Variants in DCHS2 observed in about 807,000 individuals in gnomAD.
The protein encoded by DCHS2 is dachsous cadherin-related 2, also known as protocadherin-23.
DCHS2 carries 142 observed loss-of-function variants against 182.4 expected under a neutral mutation model. That is an observed-to-expected ratio of 0.78 (90% confidence interval 0.68 to 0.89). The LOEUF is 0.89. DCHS2 is among the 40% of genes least tolerant of loss of function. The pLI, the probability that DCHS2 is intolerant of heterozygous loss-of-function variation, is 0.00. For missense variants in DCHS2, 4,319 were observed against 4,198.6 expected, an observed-to-expected ratio of 1.03 and a Z score of -0.79; for synonymous variants, 1,740 against 1,663.3, an observed-to-expected ratio of 1.05 and a Z score of -1.12.
At chr4:154,485,026 C>T (rs1728534605) in intron 1 of DCHS2, among the ~76,000 whole-genome samples, 1 of 152,202 alleles carries the variant, frequency 6.6e-6, no homozygotes, top group African/African-American at 2.4e-5. Context: ...ACTTTCCCAC[C>T]TATAAAGCTC....
chr4:154,308,230 G>A (rs1735527442), intron 10 of DCHS2, among the ~76,000 whole-genome samples: 1 of 150,574 alleles, frequency 6.6e-6, no homozygotes, highest in Non-Finnish European at 1.5e-5. Context: ...CTTCTCTGTG[G>A]CATCATATAT....
At chr4:154,244,896 T>G (rs1188959589) in intron 16 of DCHS2, among the ~76,000 whole-genome samples, 1 of 152,126 alleles carries the variant, frequency 6.6e-6, no homozygotes, top group African/African-American at 2.4e-5. Flanking sequence ...CATACTCCTT[T>G]CTCCCCTGCT....
intron 13 of DCHS2, among the ~76,000 whole-genome samples, chr4:154,279,725 T>C (rs575882830): frequency 2.6e-5 from 4 of 152,074 alleles, no homozygotes; most frequent in African/African-American, 4.8e-5. Flanking sequence ...GATGCAATGA[T>C]AGTAATACTA....
chr4:154,313,519 A>G (rs1012908227), intron 10 of DCHS2, among the ~76,000 whole-genome samples: 4 of 152,198 alleles, frequency 2.6e-5, no homozygotes, highest in Non-Finnish European at 4.4e-5. Context: ...AATACGTACT[A>G]TAAAGTAAAC....
chr4:154,487,229 A>G (rs902951479), intron 1 of DCHS2, among the ~76,000 whole-genome samples: 3 of 152,236 alleles, frequency 2.0e-5, no homozygotes, highest in African/African-American at 7.2e-5. Context: ...TCATTTTTAG[A>G]AATCCATGGA....
At position 154,240,839 on chromosome 4, in the gene DCHS2, C is replaced by A. The variant is rs774222458; in HGVS notation, c.7073-16G>T. On this transcript the variant is annotated splice_polypyrimidine_tract_variant and intron_variant, in intron 17 of 19. Transcript: ENST00000357232. The stretch of plus-strand genomic sequence containing the variant: ...GGCAAAGAATCTGAAATAGTCATGA[C>A]CAGTGTCAGTCTCCATTAAAATTCA... The A allele has an allele frequency of 1.2e-6, 2 of 1,611,794 alleles. No homozygotes were observed. Among genetic ancestry groups the A allele is most frequent in the South Asian group, 2.2e-5 (2 of 90,986 alleles).
chr4:154,467,565 G>A (rs1735288626), intron 1 of DCHS2, among the ~76,000 whole-genome samples: 1 of 152,070 alleles, frequency 6.6e-6, no homozygotes, highest in South Asian at 2.1e-4. Context: ...TTGCAGAAAT[G>A]TCAAAAGTTT....
intron 3 of DCHS2, among the ~76,000 whole-genome samples, chr4:154,354,474 T>C (rs1729769299): frequency 6.6e-6 from 1 of 152,240 alleles, no homozygotes; most frequent in Non-Finnish European, 1.5e-5. Context: ...TCATTACAAC[T>C]CATATTCTTG....
chr4:154,287,806 C>A (rs148391738), intron 13 of DCHS2, among the ~76,000 whole-genome samples: 41 of 152,166 alleles, frequency 2.7e-4, no homozygotes, highest in African/African-American at 9.6e-4. Context: ...TATTAGTTTT[C>A]TCTTTGTTTG....
intron 1 of DCHS2, among the ~76,000 whole-genome samples, chr4:154,392,110 A>G (rs560262255): frequency 1.3e-5 from 2 of 152,266 alleles, no homozygotes; most frequent in South Asian, 2.1e-4. Context: ...TCCACGTGGT[A>G]TGATTGTTAA....
chr4:154,370,252 AAAAT>A (rs1428922384), intron 2 of DCHS2, among the ~76,000 whole-genome samples: 1 of 151,796 alleles, frequency 6.6e-6, no homozygotes, highest in Non-Finnish European at 1.5e-5. Context: ...GAATCAGATA[AAAAT>A]AAATAAAGAA....
intron 5 of DCHS2, 55 bp downstream of exon 5, chr4:154,332,423 G>C: frequency 7.1e-7 from 1 of 1,413,026 alleles, no homozygotes; most frequent in Non-Finnish European, 9.6e-7. Flanking sequence ...AAAGACGAGT[G>C]TGATAGTACT....
chr4:154,434,603 GT>G, intron 1 of DCHS2, among the ~76,000 whole-genome samples: 1 of 152,090 alleles, frequency 6.6e-6, no homozygotes, highest in Non-Finnish European at 1.5e-5. Flanking sequence ...GGGTACATGA[GT>G]GTTTTTTTTA....
chr4:154,490,257 C>A lies in DCHS2; in HGVS notation c.1099G>T (p.Val367Leu). 5 of 1,549,350 alleles carry A rather than the reference C, an allele frequency of 3.2e-6. No homozygotes were observed. The East Asian group carries it at 1.2e-4, about 38-fold the overall frequency. The change falls in exon 1 of 20, where the codon GTG becomes TTG. Residue 367 changes from valine to leucine, a missense_variant. Physicochemically the swap from Val to Leu is conservative, Grantham distance 32. Transcript: ENST00000357232. ...AVEELSGVVR[V>L]WRPLDREAQA... ...GCCTCGCGGTCCAGAGGTCTCCACA[C>A]TCGCACCACGCCGCTCAGCTCCTCC...
intron 3 of DCHS2, among the ~76,000 whole-genome samples, chr4:154,350,235 A>G (rs946005480): frequency 6.6e-6 from 1 of 152,224 alleles, no homozygotes; most frequent in Non-Finnish European, 1.5e-5. Flanking sequence ...TCTCCAAGAC[A>G]TATTACCCTG....
intron 1 of DCHS2, among the ~76,000 whole-genome samples, chr4:154,403,585 G>T (rs1171270757): frequency 6.6e-6 from 1 of 152,042 alleles, no homozygotes; most frequent in Non-Finnish European, 1.5e-5. Flanking sequence ...GTTCATTAGA[G>T]ATACTGGCTG....
intron 7 of DCHS2, among the ~76,000 whole-genome samples, chr4:154,327,499 GT>G (rs1250767003): frequency 1.3e-5 from 2 of 152,066 alleles, no homozygotes; most frequent in Admixed American, 6.5e-5. Context: ...TATGTCCTAT[GT>G]TTGTGTCAAA....
chr4:154,491,182 C>T lies in DCHS2; in HGVS notation c.174G>A (p.Ala58=). The change falls in exon 1 of 20, where the codon GCG becomes GCA. Residue 58 remains alanine (A), a synonymous_variant. Transcript: ENST00000357232. ...ACAACTGGGCAGAGGAGCCCGAGGC[C>T]GCCCACAGCCACACGTGCACCAAGA... ...LWLLVHVWLW[A]ASGSSAQLFN... is the part of the protein sequence containing the mutation. 6.4e-7 allele frequency: 1 copy of T among 1,551,354 alleles called. No individual in the cohort carries two copies. Among genetic ancestry groups the T allele is most frequent in the Non-Finnish European group, 8.7e-7 (1 of 1,146,900 alleles).
chr4:154,427,015 G>C (rs1733358707), intron 1 of DCHS2, among the ~76,000 whole-genome samples: 1 of 152,096 alleles, frequency 6.6e-6, no homozygotes, highest in Admixed American at 6.6e-5. Flanking sequence ...AGATTTCTCA[G>C]AGCCACAGTG....
Sources: gnomAD v4.1 joint callset for allele counts (sites outside exome capture counted in the v4.1 genomes callset) on GRCh38, gnomAD v4.1.1 for gene constraint, MANE v1.5 for transcripts, NCBI Gene and HGNC (gene_info 2026-07-23, HGNC 2026-07-21) for gene names.